MED15: variants seen among roughly 807,000 people sequenced by gnomAD.
MED15 encodes mediator complex subunit 15, also known as mediator of RNA polymerase II transcription subunit 15.
MED15 carries 41 observed loss-of-function variants against 118.7 expected under a neutral mutation model. That is an observed-to-expected ratio of 0.35 (90% CI 0.27 to 0.45). The LOEUF (loss-of-function observed/expected upper bound fraction) is 0.45, where lower values mean the gene tolerates loss of function less well. Ranked by LOEUF, MED15 falls within the 20% of genes least tolerant of loss-of-function variation. The pLI is 1.00. For missense variants in MED15, 740 were observed against 1,025.5 expected, an observed-to-expected ratio of 0.72 and a Z score of 3.80; for synonymous variants, 436 against 413.9, an observed-to-expected ratio of 1.05 and a Z score of -0.65.
At position 20,523,728 on chromosome 22, in the gene MED15, CT is replaced by C. The variant is rs1222586682; in HGVS notation, c.69-13386del. On this transcript the variant is annotated intron_variant, in intron 1 of 17. Coordinates refer to ENST00000263205, the MANE Select transcript of MED15 (RefSeq NM_001003891.3). ...AGCACCAGGACAGAGATCTCGAGGCCTTTCCAACTCTGCTGGTTCTTCAGAA... is the reference window on the plus strand; with the variant it reads ...AGCACCAGGACAGAGATCTCGAGGCCTTCCAACTCTGCTGGTTCTTCAGAA... 7 of 985,326 alleles carry C rather than the reference CT, an allele frequency of 7.1e-6. No individual in the cohort carries two copies. The African/African-American group carries it at 1.0e-4, about 15-fold the overall frequency. 61.0% of individuals were successfully genotyped at this position (985,326 alleles called of 1,614,324 possible).
intron 3 of MED15, 56 bp downstream of exon 3, chr22:20,551,543 G>A: frequency 6.5e-7 from 1 of 1,535,736 alleles, no homozygotes; most frequent in East Asian, 2.2e-5. Flanking sequence ...GGCCAGCCCT[G>A]ACGCTGCCTC....
intron 1 of MED15, among the ~76,000 whole-genome samples, chr22:20,536,073 A>G (rs1242007463): frequency 6.7e-6 from 1 of 150,118 alleles, no homozygotes; most frequent in Non-Finnish European, 1.5e-5. Context: ...ACAGGGTTTC[A>G]CCATGTTGGT....
intron 17 of MED15, 87 bp from the exon 18 acceptor site, chr22:20,586,481 G>A: frequency 6.4e-7 from 1 of 1,559,278 alleles, no homozygotes; most frequent in Non-Finnish European, 8.7e-7. Context: ...CGCGCCTGGG[G>A]CTACCCCTTC....
chr22:20,556,539 A>C (rs1186758073), intron 5 of MED15, among the ~76,000 whole-genome samples: 1 of 152,052 alleles, frequency 6.6e-6, no homozygotes, highest in South Asian at 2.1e-4. Context: ...ACCTCAAGTG[A>C]TCTTCTCTCC....
intron 2 of MED15, among the ~76,000 whole-genome samples, chr22:20,543,724 AT>A (rs1466621405): frequency 6.6e-6 from 1 of 150,820 alleles, no homozygotes; most frequent in Non-Finnish European, 1.5e-5. Flanking sequence ...CGCCCGGCTA[AT>A]TTTTGTATTT....
intron 5 of MED15, among the ~76,000 whole-genome samples, chr22:20,561,276 T>C (rs2056229529): frequency 6.6e-6 from 1 of 152,038 alleles, no homozygotes; most frequent in South Asian, 2.1e-4. Flanking sequence ...ATCGCAGCAC[T>C]TTGGGAGGCT....
intron 5 of MED15, among the ~76,000 whole-genome samples, chr22:20,556,736 A>G (rs2056026343): frequency 6.6e-6 from 1 of 150,902 alleles, no homozygotes; most frequent in South Asian, 2.1e-4. Context: ...CCACCAACCA[A>G]CTCTCTTGTG....
intron 1 of MED15, among the ~76,000 whole-genome samples, chr22:20,530,193 C>A (rs1569183846): frequency 1.3e-5 from 2 of 152,150 alleles, no homozygotes; most frequent in South Asian, 4.1e-4. Context: ...CACATACAAG[C>A]TGTGGGCTCC....
chr22:20,568,702 AG>A (rs1341700364), intron 8 of MED15, 71 bp downstream of exon 8: 22 of 1,561,874 alleles, frequency 1.4e-5, no homozygotes, highest in Admixed American at 9.4e-5. Context: ...GTAGTGCTAC[AG>A]TGAGGGTTCT....
At chr22:20,536,389 C>T (rs1024304589) in intron 1 of MED15, among the ~76,000 whole-genome samples, 3 of 152,016 alleles carry the variant, frequency 2.0e-5, no homozygotes, top group Admixed American at 2.0e-4. Context: ...GTGCTGCATT[C>T]GAGGGGTCTC....
chr22:20,578,492 A>G (rs2056887291), intron 9 of MED15, among the ~76,000 whole-genome samples: 4 of 152,176 alleles, frequency 2.6e-5, no homozygotes, highest in Non-Finnish European at 5.9e-5. Context: ...TGGGGACGTG[A>G]GGCATGCTGG....
chr22:20,566,412 C>CT (rs1439170374), intron 6 of MED15, 55 bp from the exon 7 acceptor site: 2 of 1,594,340 alleles, frequency 1.3e-6, no homozygotes, highest in Non-Finnish European at 1.7e-6. Flanking sequence ...CAGGGAGGAG[C>CT]TGGTGCCACA....
In MED15 at chr22:20,542,659, C is replaced by T. The variant is rs368869547; in HGVS notation, c.156+5455C>T. Among the ~76,000 whole-genome samples, 5 of 152,290 alleles carry T rather than the reference C, an allele frequency of 3.3e-5. No homozygotes were observed. The East Asian group carries it at 9.6e-4, about 29-fold the overall frequency. The stretch of plus-strand genomic sequence containing the variant: ...AAAGGGTAGCACATGTTTGAGGCTG[C>T]GTAGTTTTATCAGCCTATTCCTGCT... On this transcript the variant is annotated intron_variant, in intron 2 of 17. Coordinates refer to ENST00000263205, the MANE Select transcript of MED15 (RefSeq NM_001003891.3).
intron 8 of MED15, among the ~76,000 whole-genome samples, chr22:20,570,280 C>T (rs969321586): frequency 6.6e-5 from 10 of 152,084 alleles, no homozygotes; most frequent in African/African-American, 2.4e-4. Flanking sequence ...GCCTTGGCCT[C>T]CCAAAGTGCT....
In MED15 at chr22:20,575,223, C is replaced by T; in HGVS notation, c.1263C>T (p.Pro421=). ...PSSSIPLGRQ[P]MAQVSQSSLP... ...GCTCCATCCCTTTGGGCAGACAGCC[C>T]ATGGCACAGGTATTTACGGGGCAGC... The change falls in exon 9 of 18, where the codon CCC becomes CCT. Residue 421 remains proline, a synonymous_variant. Coordinates refer to ENST00000263205, the MANE Select transcript of MED15 (RefSeq NM_001003891.3). 1 of 1,613,848 alleles carries T rather than the reference C, an allele frequency of 6.2e-7. No individual in the cohort carries two copies. Among genetic ancestry groups the T allele is most frequent in the Non-Finnish European group, 8.5e-7 (1 of 1,180,032 alleles).
chr22:20,548,535 A>G (rs1231007095), intron 2 of MED15, among the ~76,000 whole-genome samples: 3 of 152,178 alleles, frequency 2.0e-5, no homozygotes, highest in Non-Finnish European at 4.4e-5. Context: ...AACACTGTGG[A>G]TTTAGAGAGG....
At chr22:20,580,831 C>A (rs543764834) in intron 9 of MED15, among the ~76,000 whole-genome samples, 1 of 152,338 alleles carries the variant, frequency 6.6e-6, no homozygotes, top group African/African-American at 2.4e-5. Flanking sequence ...TTCAACTCAG[C>A]ATTTAGCAAA....
At chr22:20,540,224 T>C (rs1188456668) in intron 2 of MED15, among the ~76,000 whole-genome samples, 1 of 151,852 alleles carries the variant, frequency 6.6e-6, no homozygotes. Context: ...CCACATAAGG[T>C]TTTTGACAGA....
intron 13 of MED15, 70 bp downstream of exon 13, chr22:20,583,463 G>GTGA: frequency 2.5e-6 from 4 of 1,572,714 alleles, no homozygotes; most frequent in Non-Finnish European, 3.5e-6. Flanking sequence ...TGGGCACTTG[G>GTGA]TGATGATGTG....
Sources: allele counts gnomAD v4.1 joint callset (sites outside exome capture counted in the v4.1 genomes callset), GRCh38; gene constraint gnomAD v4.1.1; transcripts MANE v1.5; gene names NCBI Gene and HGNC (gene_info 2026-07-23, HGNC 2026-07-21).